Variants in BRD3 observed in about 807,000 individuals in gnomAD.
BRD3 encodes bromodomain containing 3, also known as bromodomain-containing protein 3.
Under a neutral mutation model 66.8 loss-of-function variants are expected in BRD3, and 17 were observed. The observed-to-expected ratio is 0.25, with a 90% CI of 0.17 to 0.38. BRD3 has a LOEUF of 0.38. BRD3 is among the 10% of genes least tolerant of loss of function. The pLI, the probability that BRD3 is intolerant of heterozygous loss-of-function variation, is 1.00. For missense variants in BRD3, 713 were observed against 956.1 expected, an observed-to-expected ratio of 0.75 and a Z score of 3.35; for synonymous variants, 421 against 393.2, an observed-to-expected ratio of 1.07 and a Z score of -0.84.
chr9:134,031,553 T>C lies in BRD3; in HGVS notation c.*2037A>G, dbSNP rs1341182603. 1.5e-5 allele frequency: 3 copies of C among 203,546 alleles called. No individual in the cohort carries two copies. The highest frequency in any genetic ancestry group is 3.0e-5 in the Non-Finnish European group (3 of 99,350). The allele number at this position is 203,546 out of a possible 1,614,324, so 12.6% of individuals were successfully genotyped here. A position where few individuals can be genotyped will look rare whatever the true frequency, so the allele number is the denominator to read the frequency against. ...TTCAAATCCATTTATATTTTTATTA[T>C]AAACAAAACTTAATTAAAAGTTTAA... On this transcript the variant is annotated 3_prime_UTR_variant, in exon 12 of 12. Coordinates refer to ENST00000303407, the MANE Select transcript of BRD3 (RefSeq NM_007371.4).
rs181816238 is a variant in BRD3, at chr9:134,030,523, T to C, written c.*3067A>G. 1.1e-3 allele frequency: 230 copies of C among 209,418 alleles called. 1 individual carries two copies. The highest frequency in any genetic ancestry group is 4.8e-3 in the African/African-American group (212 of 43,974). 13.0% of individuals were successfully genotyped at this position (209,418 alleles called of 1,614,324 possible). A position where few individuals can be genotyped will look rare whatever the true frequency, so the allele number is the denominator to read the frequency against. ...TATACTAGAAACGGCACTAAAAAGT[T>C]TAAGAAAAGTTACGGTAAACTTGCA... On this transcript the variant is annotated 3_prime_UTR_variant, in exon 12 of 12. Coordinates refer to ENST00000303407, the MANE Select transcript of BRD3 (RefSeq NM_007371.4).
At chr9:134,051,880 G>GTTGTTTTTTTTTT (rs1564555861) in intron 3 of BRD3, among the ~76,000 whole-genome samples, 171 bp from the exon 4 acceptor site, 1 of 113,660 alleles carries the variant, frequency 8.8e-6, no homozygotes, top group South Asian at 2.7e-4. Flanking sequence ...TGTGTGTGTT[G>GTTGTTTTTTTTTT]TTTTTTTTGT....
At chr9:134,042,179 A>G (rs1267670571) in intron 7 of BRD3, among the ~76,000 whole-genome samples, 3 of 152,042 alleles carry the variant, frequency 2.0e-5, no homozygotes, top group African/African-American at 7.2e-5. Flanking sequence ...AAGAGGGGAC[A>G]CAGGAGCTGG....
At chr9:134,050,283 G>T in intron 5 of BRD3, 91 bp downstream of exon 5, 1 of 1,292,866 alleles carries the variant, frequency 7.7e-7, no homozygotes. Flanking sequence ...CTCAGGGAAA[G>T]GTGGGGGCCC....
At chr9:134,062,526 C>T (rs61243134) in intron 1 of BRD3, among the ~76,000 whole-genome samples, 2,081 of 152,244 alleles carry the variant, frequency 0.014, 57 homozygotes, top group African/African-American at 0.047. Context: ...CCTGGGTGAG[C>T]GGCCTCTCTG....
At chr9:134,041,645 GGCT>G (rs1198471115) in intron 8 of BRD3, 112 bp downstream of exon 8, 25 of 1,324,036 alleles carry the variant, frequency 1.9e-5, no homozygotes, top group Non-Finnish European at 2.5e-5. Flanking sequence ...GCACTACCGC[GGCT>G]GCTGAGGGAC....
chr9:134,067,583 C>T (rs1375395241), intron 1 of BRD3, among the ~76,000 whole-genome samples: 1 of 147,108 alleles, frequency 6.8e-6, no homozygotes, highest in African/African-American at 2.5e-5. Context: ...AGGGAGGGCG[C>T]GCGGAGGCCG....
chr9:134,055,239 C>T (rs1830393678), intron 1 of BRD3, among the ~76,000 whole-genome samples: 2 of 152,232 alleles, frequency 1.3e-5, no homozygotes, highest in Admixed American at 1.3e-4. Flanking sequence ...GCAGGGTGAT[C>T]CTGTTAAAAC....
At chr9:134,059,275 T>TC (rs1830490145) in intron 1 of BRD3, among the ~76,000 whole-genome samples, 1 of 152,184 alleles carries the variant, frequency 6.6e-6, no homozygotes, top group Non-Finnish European at 1.5e-5. Flanking sequence ...AGCACCCCGT[T>TC]CCTCAACACA....
At chr9:134,051,977 A>G (rs1588291471) in intron 3 of BRD3, among the ~76,000 whole-genome samples, 1 of 132,874 alleles carries the variant, frequency 7.5e-6, no homozygotes, top group Admixed American at 8.7e-5. Context: ...TGCAACCTCC[A>G]CCTCCCGGGT....
At chr9:134,064,886 G>C (rs77248162) in intron 1 of BRD3, among the ~76,000 whole-genome samples, 2,725 of 152,324 alleles carry the variant, frequency 0.018, 82 homozygotes, top group African/African-American at 0.062. Flanking sequence ...CAAGGTGGCA[G>C]TACCAACAAA....
chr9:134,034,672 A>AG, intron 11 of BRD3, 29 bp downstream of exon 11: 1 of 1,600,244 alleles, frequency 6.2e-7, no homozygotes, highest in Non-Finnish European at 8.5e-7. Context: ...CCCCCTAAAG[A>AG]GGGGTGGCAC....
chr9:134,048,224 G>A lies in BRD3; in HGVS notation c.945C>T (p.Cys315=), dbSNP rs200782945. 17 of 1,612,612 alleles carry A rather than the reference G, an allele frequency of 1.1e-5. No individual in the cohort carries two copies. The highest frequency in any genetic ancestry group is 1.1e-5 in the Non-Finnish European group (13 of 1,179,822). ...KGKLSEHLRY[C]DSILREMLSK... ...ATAGCATCTCCCTGAGGATGCTGTC[G>A]CAGTAGCGTAGGTGCTCCGACAGCT... is the stretch of plus-strand genomic sequence containing the variant. Residue 315 remains cysteine (C), a synonymous_variant, in exon 6 of 12, where the codon TGC becomes TGT. Transcript: ENST00000303407.
In BRD3 at chr9:134,040,278, G is replaced by C. The variant is rs1318303095; in HGVS notation, c.1408-9C>G. On this transcript the variant is annotated splice_polypyrimidine_tract_variant and intron_variant, in intron 8 of 11. Transcript: ENST00000303407. Reference sequence around the variant, plus strand: ...TCGTGCACGGCCTTCAGCTGGAAAAGAGCGGGCGGCTGAGCAGGTGCTGGG... The same window carrying C: ...TCGTGCACGGCCTTCAGCTGGAAAACAGCGGGCGGCTGAGCAGGTGCTGGG... 6.3e-7 allele frequency: 1 copy of C among 1,589,488 alleles called. No homozygotes were observed. Among genetic ancestry groups the C allele is most frequent in the African/African-American group, 1.3e-5 (1 of 74,566 alleles).
chr9:134,032,338 TAA>T lies in BRD3; in HGVS notation c.*1250_*1251del. 4.7e-6 allele frequency: 1 copy of T among 211,298 alleles called. No individual in the cohort carries two copies. The allele number at this position is 211,298 out of a possible 1,614,324, so 13.1% of individuals were successfully genotyped here. A position where few individuals can be genotyped will look rare whatever the true frequency, so the allele number is the denominator to read the frequency against. On this transcript the variant is annotated 3_prime_UTR_variant, in exon 12 of 12. Coordinates refer to ENST00000303407, the MANE Select transcript of BRD3 (RefSeq NM_007371.4). ...AAATTGATTTCTTTTAAAACAGTCT[TAA>T]AGAGACCAGAAGTGAATACAAAAGA... is the stretch of plus-strand genomic sequence containing the variant.
rs903243496 is a variant in BRD3 at position 134,034,722 on chromosome 9, T to C, written c.2044A>G (p.Ser682Gly). The change falls in exon 11 of 12, where the codon AGC becomes GGC. Residue 682 changes from serine (S) to glycine (G), a missense_variant. By Grantham distance (56) the Ser-to-Gly change is moderately conservative. Around this residue, in one of 5 missense-constraint regions of BRD3, gnomAD observed 418 missense variants for 609.3 expected, o/e 0.69. Transcript: ENST00000303407. The part of the protein sequence containing the change: ...LQDVSGQLSS[S>G]KKPARKEKPG... ...GTACCTTTCCGGGCGGGCTTCTTGC[T>C]GCTGCTCAGCTGCCCGCTGACATCC... 1.4e-5 allele frequency: 23 copies of C among 1,607,076 alleles called. No homozygotes were observed. The highest frequency in any genetic ancestry group is 1.9e-5 in the Non-Finnish European group (23 of 1,179,970).
In BRD3 at chr9:134,050,459, G is replaced by A. The variant is rs142498072; in HGVS notation, c.629C>T (p.Ser210Leu). 32 of 1,612,284 alleles carry A rather than the reference G, an allele frequency of 2.0e-5. No individual in the cohort carries two copies. The African/African-American group carries it at 2.4e-4, about 12-fold the overall frequency. The change falls in exon 5 of 12, where the codon TCG (serine) becomes TTG (leucine). Residue 210 changes from serine (S) to leucine (L), a missense_variant. This residue lies in a region of BRD3 where 120 missense variants were observed against 122.8 expected (regional missense o/e 0.98). Coordinates refer to ENST00000303407, the MANE Select transcript of BRD3 (RefSeq NM_007371.4). Reference protein sequence around the residue: ...PVPTITANVTSVPVPPAAAPP... With the variant: ...PVPTITANVTLVPVPPAAAPP... The stretch of plus-strand genomic sequence containing the variant: ...GGCGGCAGCTGGGGGGACTGGGACC[G>A]ACGTGACGTTTGCAGTGATGGTTGG...
In BRD3 at chr9:134,045,320, C is replaced by G; in HGVS notation, c.1188G>C (p.Glu396Asp). ...GGAGCTTCCGGGCCATGGCCACAAC[C>G]TCGTGGTCTGGGGGATTGTATTTGT... ...NCYKYNPPDH[E>D]VVAMARKLQD... is the part of the protein sequence containing the mutation. Residue 396 changes from glutamate (E) to aspartate (D), a missense_variant, in exon 7 of 12, where the codon GAG becomes GAC. Physicochemically the swap from Glu to Asp is conservative, Grantham distance 45 (BLOSUM62 2). Coordinates refer to ENST00000303407, the MANE Select transcript of BRD3 (RefSeq NM_007371.4). The surrounding 1 kb of genome is among the most constrained non-coding windows in gnomAD (Gnocchi z 4.8). 6.2e-7 allele frequency: 1 copy of G among 1,613,552 alleles called. No individual in the cohort carries two copies. Among genetic ancestry groups the G allele is most frequent in the Non-Finnish European group, 8.5e-7 (1 of 1,180,018 alleles).
chr9:134,034,967 C>T lies in BRD3; in HGVS notation c.1937-138G>A. 5 of 1,325,486 alleles carry T rather than the reference C, an allele frequency of 3.8e-6. No individual in the cohort carries two copies. The South Asian group carries it at 4.1e-5, about 11-fold the overall frequency. 82.1% of individuals were successfully genotyped at this position (1,325,486 alleles called of 1,614,324 possible). On this transcript the variant is annotated intron_variant, in intron 10 of 11. Transcript: ENST00000303407. Reference sequence around the variant, plus strand: ...TGCCCAGCTTTCATGAGTCTGGGAGCTGACAGATGCAAAGCTGTCACCAGG... The same window carrying T: ...TGCCCAGCTTTCATGAGTCTGGGAGTTGACAGATGCAAAGCTGTCACCAGG...
Sources: gnomAD v4.1 joint callset for allele counts (sites outside exome capture counted in the v4.1 genomes callset) on GRCh38, gnomAD v4.1.1 for gene constraint, gnomAD v4.1.1 regional missense constraint, Gnocchi (gnomAD v3.1) non-coding constraint, MANE v1.5 for transcripts, NCBI Gene and HGNC (gene_info 2026-07-23, HGNC 2026-07-21) for gene names.